The following WDR36 variants were observed in gnomAD, a reference collection of about 807,000 sequenced individuals.
WDR36 encodes WD repeat domain 36.
In WDR36, 63 loss-of-function variants were observed where a neutral mutation model predicts 112.7. That is an observed-to-expected ratio of 0.56 (90% CI 0.46 to 0.69). WDR36 has a LOEUF of 0.69. Among genes scored for constraint, WDR36 ranks in the 30% least tolerant of loss-of-function variants. WDR36 has a pLI of 0.00. For synonymous variants in WDR36, 410 were observed against 362.2 expected, an observed-to-expected ratio of 1.13 and a Z score of -1.50; for missense variants, 1,226 against 1,070.3, an observed-to-expected ratio of 1.15 and a Z score of -2.03.
chr5:111,099,476 T>TTTTTTTTTTTTTTGTTTTG (rs1753074083), intron 4 of WDR36, among the ~76,000 whole-genome samples: 1 of 130,626 alleles, frequency 7.7e-6, no homozygotes, highest in African/African-American at 3.0e-5. Flanking sequence ...TTTTTTTTTT[T>TTTTTTTTTTTTTTGTTTTG]TTTTTTTTCA....
intron 19 of WDR36, among the ~76,000 whole-genome samples, chr5:111,122,555 C>CA (rs945222628): frequency 2.0e-5 from 3 of 152,096 alleles, no homozygotes; most frequent in Non-Finnish European, 4.4e-5. Context: ...AATCAGTGAC[C>CA]ATCCCCTTTC....
intron 19 of WDR36, among the ~76,000 whole-genome samples, chr5:111,122,485 AT>A (rs1292145330): frequency 3.3e-5 from 5 of 152,150 alleles, no homozygotes; most frequent in African/African-American, 4.8e-5. Flanking sequence ...GCTTTTCTTT[AT>A]AAGACTAGAT....
rs182802339 is a variant in WDR36 at position 111,110,406 on chromosome 5, T to C, written c.1441+103T>C. On this transcript the variant is annotated intron_variant, in intron 13 of 22. Transcript: ENST00000513710. ...TTAAGTGCTGGGCATTTTGCTAAAG[T>C]TGAAGATGGGTTATAATCAACCCTA... 131 of 956,328 alleles carry C rather than the reference T, an allele frequency of 1.4e-4. No homozygotes were observed. The East Asian group carries it at 3.2e-3, about 23-fold the overall frequency. The allele number at this position is 956,328 out of a possible 1,614,324, so 59.2% of individuals were successfully genotyped here.
chr5:111,097,926 A>G (rs1041507143), intron 3 of WDR36, among the ~76,000 whole-genome samples: 1 of 152,176 alleles, frequency 6.6e-6, no homozygotes, highest in Non-Finnish European at 1.5e-5. Context: ...AGGTGTTCAG[A>G]TTTTTAGAAT....
chr5:111,112,418 A>G (rs1191613804), intron 15 of WDR36, among the ~76,000 whole-genome samples: 1 of 151,972 alleles, frequency 6.6e-6, no homozygotes. Context: ...CTGAGGAACA[A>G]ATCAACATTT....
At chr5:111,121,254 T>A in intron 19 of WDR36, 113 bp downstream of exon 19, 2 of 1,111,796 alleles carry the variant, frequency 1.8e-6, no homozygotes, top group Non-Finnish European at 2.7e-6. Flanking sequence ...AATTAATATG[T>A]AAGACAGCAC....
intron 4 of WDR36, 123 bp from the exon 5 acceptor site, chr5:111,100,466 C>G: frequency 1.6e-6 from 1 of 616,236 alleles, no homozygotes; most frequent in Non-Finnish European, 2.7e-6. Context: ...GTATCTAAGT[C>G]TGTGGTTTAT....
chr5:111,097,005 G>A, intron 2 of WDR36, 74 bp from the exon 3 acceptor site: 1 of 1,003,270 alleles, frequency 1.0e-6, no homozygotes, highest in Non-Finnish European at 1.6e-6. Flanking sequence ...CATGAAAAAT[G>A]TTATATGTAT....
chr5:111,120,662 C>T, intron 18 of WDR36, 69 bp downstream of exon 18: 1 of 1,333,068 alleles, frequency 7.5e-7, no homozygotes, highest in Non-Finnish European at 1.1e-6. Flanking sequence ...GATATTGCTA[C>T]CAAAGGCAAA....
Position 111,128,272 on chromosome 5 carries a change from A to T in WDR36, c.*1389A>T, listed in dbSNP as rs1344404494. On this transcript the variant is annotated 3_prime_UTR_variant, in exon 23 of 23. Coordinates refer to ENST00000513710, the MANE Select transcript of WDR36 (RefSeq NM_139281.3). ...TTGTAGAATGATCTCCAAAAGAAGCAGTCCTCAAAAGGCATTTACCAGTGA... is the reference window on the plus strand; with the variant it reads ...TTGTAGAATGATCTCCAAAAGAAGCTGTCCTCAAAAGGCATTTACCAGTGA... 1 of 188,180 alleles carries T rather than the reference A, an allele frequency of 5.3e-6. No homozygotes were observed. Among genetic ancestry groups the T allele is most frequent in the Non-Finnish European group, 1.1e-5 (1 of 89,262 alleles). The allele number at this position is 188,180 out of a possible 1,614,324, so 11.7% of individuals were successfully genotyped here. A position where few individuals can be genotyped will look rare whatever the true frequency, so the allele number is the denominator to read the frequency against.
At chr5:111,120,449 A>G in intron 17 of WDR36, 47 bp from the exon 18 acceptor site, 1 of 1,458,810 alleles carries the variant, frequency 6.9e-7, no homozygotes, top group East Asian at 2.3e-5. Context: ...TCTCTGAAAG[A>G]AACTTTTTAT....
intron 2 of WDR36, among the ~76,000 whole-genome samples, chr5:111,096,327 G>T (rs775790266): frequency 2.0e-5 from 3 of 152,178 alleles, no homozygotes; most frequent in Non-Finnish European, 2.9e-5. Context: ...TTTTGGGTTG[G>T]TCCAAAGGGT....
intron 3 of WDR36, among the ~76,000 whole-genome samples, chr5:111,098,136 C>G (rs558971842): frequency 2.1e-3 from 323 of 152,194 alleles, no homozygotes; most frequent in Non-Finnish European, 4.0e-3. Context: ...ACACTGTCAA[C>G]TGTAGGAAGT....
intron 11 of WDR36, among the ~76,000 whole-genome samples, 168 bp from the exon 12 acceptor site, chr5:111,107,126 G>A (rs1420012967): frequency 6.6e-6 from 1 of 151,258 alleles, no homozygotes; most frequent in Non-Finnish European, 1.5e-5. Flanking sequence ...TTTTTTATTT[G>A]TCAATTAAAA....
At chr5:111,095,611 C>T (rs1252557263) in intron 2 of WDR36, among the ~76,000 whole-genome samples, 1 of 152,106 alleles carries the variant, frequency 6.6e-6, no homozygotes, top group Non-Finnish European at 1.5e-5. Context: ...GCCAACATGA[C>T]GTTAACAGGG....
chr5:111,092,614 A>T lies in WDR36; in HGVS notation c.158A>T (p.Tyr53Phe). ...TGCGTGGGCAAGAGTTTCCACACCT[A>T]TGACGTGAGTGACTTCTTTTGTTAG... ...TTCVGKSFHT[Y>F]DVQKLSLVAV... is the part of the protein sequence containing the mutation. Residue 53 changes from tyrosine to phenylalanine, a missense_variant, in exon 1 of 23, where the codon TAT (tyrosine) becomes TTT (phenylalanine). Physicochemically the swap from Tyr to Phe is conservative, Grantham distance 22. Coordinates refer to ENST00000513710, the MANE Select transcript of WDR36 (RefSeq NM_139281.3). The T allele has an allele frequency of 1.9e-6, 3 of 1,612,966 alleles. No homozygotes were observed. The highest frequency in any genetic ancestry group is 2.5e-6 in the Non-Finnish European group (3 of 1,179,904).
At chr5:111,109,315 T>G (rs1753279638) in intron 12 of WDR36, among the ~76,000 whole-genome samples, 1 of 151,426 alleles carries the variant, frequency 6.6e-6, no homozygotes, top group African/African-American at 2.4e-5. Flanking sequence ...CATAGTAATT[T>G]CCCATCTAAA....
chr5:111,122,520 C>T (rs780747646), intron 19 of WDR36, among the ~76,000 whole-genome samples: 3 of 152,076 alleles, frequency 2.0e-5, no homozygotes, highest in Non-Finnish European at 4.4e-5. Context: ...CTGTGGAGTT[C>T]CTCCAAAGCC....
At chr5:111,118,901 GA>G in intron 16 of WDR36, 111 bp from the exon 17 acceptor site, 1 of 832,156 alleles carries the variant, frequency 1.2e-6, no homozygotes, top group South Asian at 1.4e-5. Flanking sequence ...TTAAAAAAAA[GA>G]AAACATTTTC....
Sources: gnomAD v4.1 joint callset for allele counts (sites outside exome capture counted in the v4.1 genomes callset) on GRCh38, gnomAD v4.1.1 for gene constraint, MANE v1.5 for transcripts, NCBI Gene and HGNC (gene_info 2026-07-23, HGNC 2026-07-21) for gene names.